The following ADGRE3 variants were observed in gnomAD, a reference collection of about 807,000 sequenced individuals.
The protein encoded by ADGRE3 is EGF-like module receptor 3.
ADGRE3 carries 88 observed loss-of-function variants against 80.1 expected under a neutral mutation model. The observed-to-expected ratio is 1.10, with a 90% CI of 0.93 to 1.31. ADGRE3 has a LOEUF of 1.31. Ranked by LOEUF, ADGRE3 falls within the 40% of genes most tolerant of loss-of-function variation. The pLI is 0.00. For missense variants in ADGRE3, 715 were observed against 776.5 expected (o/e 0.92, Z 0.94); for synonymous variants, 281 against 294.8 (o/e 0.95, Z 0.48).
chr19:14,656,956 C>A (rs972306282), intron 5 of ADGRE3, among the ~76,000 whole-genome samples: 3 of 152,106 alleles, frequency 2.0e-5, no homozygotes, highest in Admixed American at 2.0e-4. Context: ...AGTGCAGTGA[C>A]GTGATCTCAG....
the ADGRE3 span, among the ~76,000 whole-genome samples, chr19:14,601,972 T>G: frequency 4.6e-5 from 7 of 151,794 alleles, no homozygotes; most frequent in Admixed American, 6.6e-5. Context: ...TTTTGTATTT[T>G]TAGTAGAGAC....
intron 1 of ADGRE3, among the ~76,000 whole-genome samples, chr19:14,670,463 C>A (rs183521828): frequency 6.6e-6 from 1 of 152,266 alleles, no homozygotes; most frequent in Non-Finnish European, 1.5e-5. Context: ...AATTCTTCCT[C>A]CTTATGAGAG....
chr19:14,620,466 A>ATG (rs754241900), intron 15 of ADGRE3, among the ~76,000 whole-genome samples: 2,874 of 29,758 alleles, frequency 0.097, 22 homozygotes, highest in East Asian at 0.25. Context: ...GAATATATGA[A>ATG]TATATTATGA....
chr19:14,622,305 A>G (rs1970622529), intron 15 of ADGRE3: 1 of 546,708 alleles, frequency 1.8e-6, no homozygotes, highest in Non-Finnish European at 3.2e-6. Flanking sequence ...GGGACTGACA[A>G]AAGACTTGAG....
chr19:14,630,628 G>A (rs139875657), intron 13 of ADGRE3, among the ~76,000 whole-genome samples: 3 of 152,030 alleles, frequency 2.0e-5, no homozygotes, highest in African/African-American at 7.2e-5. Context: ...TGACCAGGCT[G>A]GTCTTGAACT....
chr19:14,654,264 T>G (rs1971688016), intron 6 of ADGRE3, among the ~76,000 whole-genome samples: 1 of 142,970 alleles, frequency 7.0e-6, no homozygotes, highest in Non-Finnish European at 1.5e-5. Context: ...AAAACCTGTT[T>G]TTTTTTTTTT....
Position 14,630,201 on chromosome 19 carries a change from C to T in ADGRE3, c.1650G>A (p.Leu550=). 6.2e-7 allele frequency: 1 copy of T among 1,601,088 alleles called. No individual in the cohort carries two copies. The highest frequency in any genetic ancestry group is 2.2e-5 in the East Asian group (1 of 44,790). Residue 550 remains leucine, a synonymous_variant, in exon 14 of 16, where the codon CTG becomes CTA. Transcript: ENST00000253673. ...AGAGCTGAGCTGTTGCTTTGAAAGC[C>T]AGCATCCTGGGAGGAGGAAGTCAGA... ...EVSTIQNTRM[L]AFKATAQLFI...
chr19:14,641,625 G>T lies in ADGRE3; in HGVS notation c.1051-9C>A. ...AGCACGGGATCCTCCTCCTGGGACC[G>T]AGAAAAAAAGTTCACAGTGATGCTT... On this transcript the variant is annotated splice_polypyrimidine_tract_variant and intron_variant, in intron 9 of 15. Coordinates refer to ENST00000253673, the MANE Select transcript of ADGRE3 (RefSeq NM_032571.5). 1 of 1,613,616 alleles carries T rather than the reference G, an allele frequency of 6.2e-7. No homozygotes were observed. The highest frequency in any genetic ancestry group is 8.5e-7 in the Non-Finnish European group (1 of 1,179,822).
chr19:14,626,801 T>C (rs1447146140), intron 14 of ADGRE3, among the ~76,000 whole-genome samples: 1 of 151,920 alleles, frequency 6.6e-6, no homozygotes, highest in East Asian at 1.9e-4. Flanking sequence ...TACCTTAGAG[T>C]CAACTTGCCT....
At chr19:14,623,894 A>G (rs898049742) in intron 15 of ADGRE3, among the ~76,000 whole-genome samples, 4 of 152,186 alleles carry the variant, frequency 2.6e-5, no homozygotes, top group Admixed American at 6.5e-5. Flanking sequence ...GAGGAACAAT[A>G]TAACAAGAAT....
At chr19:14,662,678 G>T (rs1362155234) in intron 3 of ADGRE3, among the ~76,000 whole-genome samples, 1 of 152,006 alleles carries the variant, frequency 6.6e-6, no homozygotes, top group African/African-American at 2.4e-5. Context: ...GAGCCACCAT[G>T]CCTGGCTGAA....
At chr19:14,651,803 AGGCCAT>A (rs1244524850) in intron 6 of ADGRE3, among the ~76,000 whole-genome samples, 5 of 152,150 alleles carry the variant, frequency 3.3e-5, no homozygotes, top group Non-Finnish European at 7.3e-5. Flanking sequence ...GCACTTTGGG[AGGCCAT>A]GGCAGGTGGA....
chr19:14,607,197 C>A, the ADGRE3 span: 2 of 441,346 alleles, frequency 4.5e-6, no homozygotes, highest in South Asian at 1.1e-4. Flanking sequence ...TTGAAGGAGT[C>A]AGGAGCTGTT....
intron 4 of ADGRE3, among the ~76,000 whole-genome samples, chr19:14,658,753 G>T (rs1971849190): frequency 6.6e-6 from 1 of 151,418 alleles, no homozygotes; most frequent in Non-Finnish European, 1.5e-5. Flanking sequence ...TTTTTATTTT[G>T]AGACAGAGTC....
chr19:14,644,088 A>G lies in ADGRE3; in HGVS notation c.1050+20T>C, dbSNP rs752726694. The G allele has an allele frequency of 2.1e-6, 3 of 1,421,680 alleles. No homozygotes were observed. The highest frequency in any genetic ancestry group is 2.7e-5 in the Admixed American group (1 of 37,328). The allele number at this position is 1,421,680 out of a possible 1,614,324, so 88.1% of individuals were successfully genotyped here. ...GGCTCAGAAAGTATTTGCTGGAAGA[A>G]TAAAACATATACATCATACCTGGCT... On this transcript the variant is annotated intron_variant, in intron 9 of 15. Transcript: ENST00000253673.
intron 10 of ADGRE3, 124 bp downstream of exon 10, chr19:14,641,295 G>GA: frequency 8.2e-7 from 1 of 1,215,042 alleles, no homozygotes; most frequent in South Asian, 1.4e-5. Flanking sequence ...AGGGTAGCGG[G>GA]AAAATTATAT....
intron 11 of ADGRE3, 32 bp from the exon 12 acceptor site, chr19:14,633,334 A>C: frequency 1.3e-6 from 2 of 1,543,392 alleles, no homozygotes; most frequent in Non-Finnish European, 1.8e-6. Flanking sequence ...ATACAAAGAG[A>C]GATCAGAGAA....
chr19:14,671,037 C>G (rs1300794375), intron 1 of ADGRE3, among the ~76,000 whole-genome samples: 1 of 152,212 alleles, frequency 6.6e-6, no homozygotes, highest in Non-Finnish European at 1.5e-5. Flanking sequence ...TGGTATGTGA[C>G]TTGGTCATTT....
chr19:14,666,108 A>G (rs907288450), intron 2 of ADGRE3, among the ~76,000 whole-genome samples: 2 of 150,928 alleles, frequency 1.3e-5, no homozygotes, highest in African/African-American at 4.9e-5. Context: ...TTTCCTCTGG[A>G]TAGATACCCA....
Sources: gnomAD v4.1 joint callset for allele counts (sites outside exome capture counted in the v4.1 genomes callset) on GRCh38, gnomAD v4.1.1 for gene constraint, MANE v1.5 for transcripts, NCBI Gene and HGNC (gene_info 2026-07-23, HGNC 2026-07-21) for gene names.